The following EMCN variants were observed in gnomAD, a reference collection of about 807,000 sequenced individuals.
EMCN encodes the protein endomucin.
A neutral mutation model predicts 38.4 loss-of-function variants in EMCN; 37 were observed. That is an observed-to-expected ratio of 0.96 (90% CI 0.74 to 1.27). EMCN has a LOEUF of 1.27. Among genes scored for constraint, EMCN ranks in the 50% most tolerant of loss-of-function variants. The pLI, the probability that EMCN is intolerant of heterozygous loss-of-function variation, is 0.00. For missense variants in EMCN, 318 were observed against 302.8 expected, an observed-to-expected ratio of 1.05 and a Z score of -0.37; for synonymous variants, 95 against 100.8, an observed-to-expected ratio of 0.94 and a Z score of 0.35.
At chr4:100,476,184 TC>T (rs1728644748) in intron 2 of EMCN, among the ~76,000 whole-genome samples, 10 of 29,844 alleles carry the variant, frequency 3.4e-4, no homozygotes, top group African/African-American at 1.2e-3. Context: ...CCTCCCTCCC[TC>T]CCTTCTTCCT....
intron 5 of EMCN, among the ~76,000 whole-genome samples, chr4:100,431,199 A>G (rs1031968064): frequency 6.6e-6 from 1 of 151,448 alleles, no homozygotes; most frequent in Admixed American, 6.6e-5. Flanking sequence ...CCACAATGCA[A>G]CTGAGACTCT....
intron 4 of EMCN, among the ~76,000 whole-genome samples, chr4:100,458,553 A>G (rs565904389): frequency 6.6e-6 from 1 of 152,288 alleles, no homozygotes; most frequent in South Asian, 2.1e-4. Context: ...ATAAATTTTT[A>G]TAAGTTTTTA....
chr4:100,449,118 T>C (rs1218966732), intron 4 of EMCN, among the ~76,000 whole-genome samples: 2 of 152,036 alleles, frequency 1.3e-5, no homozygotes, highest in African/African-American at 2.4e-5. Flanking sequence ...AGTAGAAACA[T>C]ATGGATAGAA....
intron 1 of EMCN, among the ~76,000 whole-genome samples, chr4:100,517,266 T>C (rs1729782386): frequency 6.6e-6 from 1 of 152,022 alleles, no homozygotes; most frequent in South Asian, 2.1e-4. Flanking sequence ...GCAAAATGTA[T>C]GTATATGTTT....
intron 1 of EMCN, among the ~76,000 whole-genome samples, chr4:100,495,887 A>T (rs562618031): frequency 6.6e-6 from 1 of 152,264 alleles, no homozygotes; most frequent in South Asian, 2.1e-4. Context: ...AATCATCAAA[A>T]TATTAGGATT....
intron 5 of EMCN, among the ~76,000 whole-genome samples, chr4:100,430,395 T>A (rs975596583): frequency 6.6e-6 from 1 of 152,154 alleles, no homozygotes; most frequent in African/African-American, 2.4e-5. Flanking sequence ...ACATAAAATA[T>A]AATCTATTTT....
chr4:100,471,215 A>G (rs1728468578), intron 3 of EMCN, among the ~76,000 whole-genome samples: 1 of 151,976 alleles, frequency 6.6e-6, no homozygotes. Context: ...TGATAAAGAA[A>G]TAAGAGAGAG....
chr4:100,481,267 C>G (rs1347747992), intron 1 of EMCN, among the ~76,000 whole-genome samples: 1 of 151,962 alleles, frequency 6.6e-6, no homozygotes, highest in East Asian at 1.9e-4. Context: ...TTGAAATGTT[C>G]CTTTTGAATC....
chr4:100,480,129 A>G, intron 1 of EMCN, 90 bp from the exon 2 acceptor site: 1 of 1,170,696 alleles, frequency 8.5e-7, no homozygotes, highest in Non-Finnish European at 1.2e-6. Context: ...TGGTCAGTAG[A>G]ATGTGAATTT....
At chr4:100,468,710 GA>G (rs1728391254) in intron 3 of EMCN, among the ~76,000 whole-genome samples, 1 of 151,836 alleles carries the variant, frequency 6.6e-6, no homozygotes, top group African/African-American at 2.4e-5. Context: ...GCTGCACACT[GA>G]AAACTATAAA....
chr4:100,449,423 G>A (rs1230651723), intron 4 of EMCN, among the ~76,000 whole-genome samples: 2 of 152,064 alleles, frequency 1.3e-5, no homozygotes, highest in African/African-American at 4.8e-5. Context: ...TCTTCTTTCA[G>A]TAAAATGGAC....
intron 11 of EMCN, among the ~76,000 whole-genome samples, chr4:100,400,529 C>A (rs1235470116): frequency 6.6e-6 from 1 of 152,144 alleles, no homozygotes; most frequent in Admixed American, 6.6e-5. Flanking sequence ...CTTTCCACTT[C>A]TATAAGCTCC....
At chr4:100,484,810 A>C (rs1035730733) in intron 1 of EMCN, among the ~76,000 whole-genome samples, 3 of 152,206 alleles carry the variant, frequency 2.0e-5, no homozygotes, top group African/African-American at 7.2e-5. Flanking sequence ...TTTCTAGCTT[A>C]GAAAAGTTAT....
In EMCN at chr4:100,395,943, C is replaced by A. The variant is rs1172293569; in HGVS notation, c.*2470G>T. On this transcript the variant is annotated 3_prime_UTR_variant, in exon 12 of 12. Transcript: ENST00000296420. Reference sequence around the variant, plus strand: ...TTCATATTATTATGCAAAACAAACACATAGAAAGTCTTGCCTTTGATCTAA... The same window carrying A: ...TTCATATTATTATGCAAAACAAACAAATAGAAAGTCTTGCCTTTGATCTAA... The A allele has an allele frequency of 6.6e-6, 1 of 152,140 alleles. No homozygotes were observed. The highest frequency in any genetic ancestry group is 1.5e-5 in the Non-Finnish European group (1 of 68,024). 9.4% of individuals were successfully genotyped at this position (152,140 alleles called of 1,614,324 possible). A position where few individuals can be genotyped will look rare whatever the true frequency, so the allele number is the denominator to read the frequency against.
intron 2 of EMCN, among the ~76,000 whole-genome samples, chr4:100,477,072 C>T (rs907174394): frequency 6.6e-6 from 1 of 152,100 alleles, no homozygotes; most frequent in Non-Finnish European, 1.5e-5. Context: ...AGATAGGTGG[C>T]CAAAAGCATC....
intron 5 of EMCN, among the ~76,000 whole-genome samples, chr4:100,430,048 A>C (rs963765903): frequency 2.0e-5 from 3 of 152,154 alleles, no homozygotes; most frequent in Non-Finnish European, 4.4e-5. Flanking sequence ...AAGTTTTGAG[A>C]TATTCTCACC....
chr4:100,436,290 G>T (rs1050877483), intron 5 of EMCN, among the ~76,000 whole-genome samples: 2 of 152,130 alleles, frequency 1.3e-5, no homozygotes, highest in Non-Finnish European at 2.9e-5. Flanking sequence ...TTAGAGAAAT[G>T]CAAATCAAAA....
At chr4:100,509,800 A>T (rs1193652599) in intron 1 of EMCN, among the ~76,000 whole-genome samples, 6 of 152,334 alleles carry the variant, frequency 3.9e-5, no homozygotes, top group East Asian at 1.9e-4. Context: ...GAAATGATAC[A>T]ATGGCAGTTA....
intron 4 of EMCN, among the ~76,000 whole-genome samples, chr4:100,455,848 G>A (rs1389873749): frequency 1.3e-5 from 2 of 152,014 alleles, no homozygotes; most frequent in Non-Finnish European, 2.9e-5. Context: ...AGGCTGGAGT[G>A]CAGTGGCATA....
Sources: gnomAD v4.1 joint callset for allele counts (sites outside exome capture counted in the v4.1 genomes callset) on GRCh38, gnomAD v4.1.1 for gene constraint, MANE v1.5 for transcripts, NCBI Gene and HGNC (gene_info 2026-07-23, HGNC 2026-07-21) for gene names.